Variants in LRBA observed in about 807,000 individuals in gnomAD.
LRBA encodes the protein LPS responsive beige-like anchor protein.
LRBA carries 176 observed loss-of-function variants against 330.0 expected under a neutral mutation model. The ratio of observed to expected loss-of-function variants is 0.53; its 90% CI spans 0.47 to 0.60. The LOEUF (loss-of-function observed/expected upper bound fraction) is 0.60, where lower values mean the gene tolerates loss of function less well. Among genes scored for constraint, LRBA ranks in the 20% least tolerant of loss-of-function variants. The probability of loss-of-function intolerance (pLI) is 0.00; values close to 1 mark genes in which losing one functional copy is unlikely to be tolerated. For synonymous variants in LRBA, 1,230 were observed against 1,193.0 expected (o/e 1.03, Z -0.64); for missense variants, 3,259 against 3,444.8 (o/e 0.95, Z 1.35).
At chr4:150,464,375 G>C (rs1755170785) in intron 44 of LRBA, among the ~76,000 whole-genome samples, 1 of 151,940 alleles carries the variant, frequency 6.6e-6, no homozygotes, top group Admixed American at 6.6e-5. Context: ...AGAGAGTAGG[G>C]TATAATAGCC....
At chr4:150,960,560 T>A (rs1417516691) in intron 2 of LRBA, among the ~76,000 whole-genome samples, 3 of 149,040 alleles carry the variant, frequency 2.0e-5, no homozygotes, top group African/African-American at 5.2e-5. Context: ...TAATTACAAA[T>A]AAATAAAAGA....
At chr4:150,754,062 C>T (rs1482492284) in intron 35 of LRBA, among the ~76,000 whole-genome samples, 1 of 144,394 alleles carries the variant, frequency 6.9e-6, no homozygotes. Flanking sequence ...GTTGAGACTC[C>T]ATCCAAAAAA....
intron 26 of LRBA, 74 bp downstream of exon 26, chr4:150,848,744 A>G (rs1185711673): frequency 9.5e-6 from 11 of 1,152,708 alleles, no homozygotes; most frequent in Non-Finnish European, 1.2e-5. Context: ...CAGAAGACGG[A>G]TAATTTTCAA....
chr4:150,714,323 T>C (rs933016625), intron 36 of LRBA, among the ~76,000 whole-genome samples: 1 of 152,196 alleles, frequency 6.6e-6, no homozygotes, highest in Non-Finnish European at 1.5e-5. Context: ...AAGCTATTAT[T>C]TTAAATTTAT....
intron 36 of LRBA, among the ~76,000 whole-genome samples, chr4:150,723,965 G>T (rs1376508539): frequency 6.6e-6 from 1 of 152,190 alleles, no homozygotes; most frequent in African/African-American, 2.4e-5. Flanking sequence ...CACAGGGAAA[G>T]GCAGCTCTGC....
At chr4:150,983,544 C>T (rs1741095293) in intron 2 of LRBA, among the ~76,000 whole-genome samples, 2 of 149,826 alleles carry the variant, frequency 1.3e-5, no homozygotes, top group African/African-American at 4.9e-5. Context: ...ACCTCTGCCT[C>T]TGGGTTCAAG....
In LRBA at chr4:150,469,099, G is replaced by C. The variant is rs575830076; in HGVS notation, c.6668-1314C>G. Among the ~76,000 whole-genome samples, 13 of 151,662 alleles carry C rather than the reference G, an allele frequency of 8.6e-5. No homozygotes were observed. The East Asian group carries it at 1.2e-3, about 14-fold the overall frequency. ...TTAAATGTTGGTAAACAGTAAAATCGTCTTGTCCCATCTACTTAAATAATC... is the reference window on the plus strand; with the variant it reads ...TTAAATGTTGGTAAACAGTAAAATCCTCTTGTCCCATCTACTTAAATAATC... On this transcript the variant is annotated intron_variant, in intron 43 of 56. Coordinates refer to ENST00000651943, the MANE Select transcript of LRBA (RefSeq NM_001364905.1).
In LRBA at chr4:150,830,391, A is replaced by G. The variant is rs115892944; in HGVS notation, c.4729+1426T>C. On this transcript the variant is annotated intron_variant, in intron 29 of 56. Coordinates refer to ENST00000651943, the MANE Select transcript of LRBA (RefSeq NM_001364905.1). ...GATATGGAGACAGAGATGCTCTCCA[A>G]ACTAATGAAGGAAACCAGGAACTCA... Among the ~76,000 whole-genome samples, 671 of 152,332 alleles carry G rather than the reference A, an allele frequency of 4.4e-3. 8 individuals carry two copies. Among genetic ancestry groups the G allele is most frequent in the African/African-American group, 0.015 (640 of 41,568 alleles).
At chr4:150,789,376 AAAAT>A (rs1444452804) in intron 34 of LRBA, among the ~76,000 whole-genome samples, 1 of 152,226 alleles carries the variant, frequency 6.6e-6, no homozygotes, top group Non-Finnish European at 1.5e-5. Flanking sequence ...AGCTTGAATA[AAAAT>A]AGGTGCCTGA....
At chr4:150,634,546 C>T (rs1777697676) in intron 37 of LRBA, among the ~76,000 whole-genome samples, 1 of 152,196 alleles carries the variant, frequency 6.6e-6, no homozygotes, top group South Asian at 2.1e-4. Flanking sequence ...AAGAAGGTAA[C>T]TATAAATTCA....
At chr4:150,330,309 G>A (rs1225415011) in intron 48 of LRBA, among the ~76,000 whole-genome samples, 1 of 152,114 alleles carries the variant, frequency 6.6e-6, no homozygotes, top group Non-Finnish European at 1.5e-5. Context: ...AACCCTGTTT[G>A]AGTTCTACCA....
chr4:150,496,471 G>C (rs1759602393), intron 40 of LRBA, among the ~76,000 whole-genome samples: 2 of 151,796 alleles, frequency 1.3e-5, no homozygotes. Context: ...TAAGTGAATA[G>C]AAAGGGAGGT....
intron 53 of LRBA, among the ~76,000 whole-genome samples, chr4:150,288,060 C>T (rs556602722): frequency 3.3e-5 from 5 of 151,056 alleles, no homozygotes; most frequent in South Asian, 2.1e-4. Context: ...GGTGCGATCT[C>T]GACTCACTGC....
Position 150,321,460 on chromosome 4 carries a change from G to T in LRBA, c.7453-92C>A. The T allele has an allele frequency of 8.9e-7, 1 of 1,118,154 alleles. No homozygotes were observed. Among genetic ancestry groups the T allele is most frequent in the East Asian group, 2.6e-5 (1 of 38,150 alleles). The allele number at this position is 1,118,154 out of a possible 1,614,324, so 69.3% of individuals were successfully genotyped here. ...AAAGACAAGAAAGAGAGGGGGTGCA[G>T]GAAAAGAAGAGGAAGACCATATTAA... On this transcript the variant is annotated intron_variant, in intron 49 of 56. Coordinates refer to ENST00000651943, the MANE Select transcript of LRBA (RefSeq NM_001364905.1). The surrounding 1 kb of genome is among the most constrained non-coding windows in gnomAD (Gnocchi z 4.5).
chr4:150,676,517 T>C (rs1450741758), intron 37 of LRBA, among the ~76,000 whole-genome samples: 1 of 152,138 alleles, frequency 6.6e-6, no homozygotes, highest in African/African-American at 2.4e-5. Context: ...AAACAAAATT[T>C]GAAACGTCAA....
rs372702422 is a variant in LRBA at position 150,415,491 on chromosome 4, C to T, written c.7141G>A (p.Glu2381Lys). ...GAGGTTTTGGCCCAAGGAGGAAGTT[C>T]GACATCAGACACTACTGTCCCATCA... is the stretch of plus-strand genomic sequence containing the variant. ...MDDGTVVSDV[E>K]LPPWAKTSEE... Residue 2381 changes from glutamate (E) to lysine (K), a missense_variant, in exon 47 of 57, where the codon GAA (glutamate) becomes AAA (lysine). Glu to Lys is a moderately conservative substitution (Grantham distance 56, BLOSUM62 1). Coordinates refer to ENST00000651943, the MANE Select transcript of LRBA (RefSeq NM_001364905.1). 2.6e-5 allele frequency: 42 copies of T among 1,612,474 alleles called. No individual in the cohort carries two copies. Among genetic ancestry groups the T allele is most frequent in the African/African-American group, 1.6e-4 (12 of 74,832 alleles).
In LRBA at chr4:150,959,012, C is replaced by G. The variant is rs563801086; in HGVS notation, c.217-29947G>C. 2.0e-5 allele frequency among the ~76,000 whole-genome samples: 3 copies of G among 149,522 alleles called. No homozygotes were observed. In the East Asian group the frequency reaches 5.8e-4, roughly 29 times the overall value. On this transcript the variant is annotated intron_variant, in intron 2 of 56. Transcript: ENST00000651943. ...AAGTAACTTCCACATTTTCAGGTAT[C>G]TTTACAGCAGCACCCCACCCTACCA... is the stretch of plus-strand genomic sequence containing the variant.
At chr4:150,744,603 G>A (rs1273961424) in intron 35 of LRBA, among the ~76,000 whole-genome samples, 2 of 152,154 alleles carry the variant, frequency 1.3e-5, no homozygotes, top group Non-Finnish European at 2.9e-5. Flanking sequence ...TCCAACATCT[G>A]TTCAACACCT....
intron 22 of LRBA, among the ~76,000 whole-genome samples, chr4:150,853,309 T>C (rs115205839): frequency 2.7e-4 from 41 of 152,298 alleles, no homozygotes; most frequent in African/African-American, 9.6e-4. Flanking sequence ...ATAACACTTG[T>C]TTCAACCGCT....
Sources: gnomAD v4.1 joint callset for allele counts (sites outside exome capture counted in the v4.1 genomes callset) on GRCh38, gnomAD v4.1.1 for gene constraint, Gnocchi (gnomAD v3.1) non-coding constraint, MANE v1.5 for transcripts, NCBI Gene and HGNC (gene_info 2026-07-23, HGNC 2026-07-21) for gene names.